ARHGEF16: variants seen among roughly 807,000 people sequenced by gnomAD.
The protein encoded by ARHGEF16 is Rho guanine nucleotide exchange factor 16, also known as Rho guanine exchange factor (GEF) 16.
A neutral mutation model predicts 74.1 loss-of-function variants in ARHGEF16; 59 were observed. The observed-to-expected ratio is 0.80, with a 90% CI of 0.65 to 0.99. The LOEUF (loss-of-function observed/expected upper bound fraction) is 0.99. Ranked by LOEUF, ARHGEF16 falls within the 50% of genes least tolerant of loss-of-function variation. The pLI, the probability that ARHGEF16 is intolerant of heterozygous loss-of-function variation, is 0.00. For synonymous variants in ARHGEF16, 415 were observed against 412.6 expected (o/e 1.01, Z -0.07); for missense variants, 948 against 986.6 (o/e 0.96, Z 0.52).
chr1:3,471,891 T>C (rs1221811723), intron 6 of ARHGEF16: 2 of 952,550 alleles, frequency 2.1e-6, no homozygotes, highest in Non-Finnish European at 2.6e-6. Context: ...CGTACGCATG[T>C]CGTGGCCCTG....
At position 3,467,307 on chromosome 1, in the gene ARHGEF16, C is replaced by T. The variant is rs569622006; in HGVS notation, c.774C>T (p.Pro258=). Reference sequence around the variant, plus strand: ...CCATTGTGGTCAAGAGCTACCGGCCCGCCCAGGTCACCTGGAGCCAGCTCC... The same window carrying T: ...CCATTGTGGTCAAGAGCTACCGGCCTGCCCAGGTCACCTGGAGCCAGCTCC... ...DATIVVKSYR[P]AQVTWSQLPE... Residue 258 remains proline, a synonymous_variant, in exon 4 of 15, where the codon CCC becomes CCT. Transcript: ENST00000378378. 1.9e-5 allele frequency: 30 copies of T among 1,550,002 alleles called. No homozygotes were observed. The highest frequency in any genetic ancestry group is 4.1e-5 in the African/African-American group (3 of 73,148).
chr1:3,465,409 G>A (rs573470821), intron 2 of ARHGEF16, among the ~76,000 whole-genome samples: 227 of 152,226 alleles, frequency 1.5e-3, no homozygotes, highest in African/African-American at 5.2e-3. Flanking sequence ...GAGTCGGGGT[G>A]GGGGAGGCAA....
At position 3,480,476 on chromosome 1, in the gene ARHGEF16, C is replaced by T. The variant is rs770675151; in HGVS notation, c.2019C>T (p.Asp673=). Residue 673 remains aspartate, a synonymous_variant, in exon 15 of 15, where the codon GAC becomes GAT. Coordinates refer to ENST00000378378, the MANE Select transcript of ARHGEF16 (RefSeq NM_014448.4). ...DGWLYGERLR[D]GETGWFPEDF... ...GGCTCTATGGCGAGAGGCTCCGGGACGGAGAGACGGGATGGTTCCCCGAGG... is the reference window on the plus strand; with the variant it reads ...GGCTCTATGGCGAGAGGCTCCGGGATGGAGAGACGGGATGGTTCCCCGAGG... The T allele has an allele frequency of 4.0e-5, 65 of 1,612,490 alleles. No homozygotes were observed. The highest frequency in any genetic ancestry group is 2.3e-4 in the African/African-American group (17 of 74,946).
rs1434159492 is a variant in ARHGEF16, at chr1:3,479,876, G to A, written c.1953G>A (p.Gln651=). The change falls in exon 14 of 15, where the codon CAG becomes CAA. Residue 651 remains glutamine, a synonymous_variant. Transcript: ENST00000378378. ...FAKQADEVTL[Q]QADVVLVLQQ... is the part of the protein sequence containing the mutation. ...AGCAAGCAGACGAGGTCACACTGCA[G>A]CAGGCGGACGTGGTCCTGGTTCTGC... The A allele has an allele frequency of 5.6e-6, 9 of 1,612,362 alleles. No homozygotes were observed. The highest frequency in any genetic ancestry group is 1.1e-5 in the South Asian group (1 of 91,080).
At chr1:3,479,488 G>A in intron 12 of ARHGEF16, 29 bp from the exon 13 acceptor site, 2 of 1,611,120 alleles carry the variant, frequency 1.2e-6, no homozygotes, top group Non-Finnish European at 1.7e-6. Flanking sequence ...CGGTCTCCAG[G>A]CCTGGCTCAT....
Position 3,465,297 on chromosome 1 carries a change from G to A in ARHGEF16, c.589-851G>A, listed in dbSNP as rs536454756. On this transcript the variant is annotated intron_variant, in intron 2 of 14. Coordinates refer to ENST00000378378, the MANE Select transcript of ARHGEF16 (RefSeq NM_014448.4). ...GAGGGCTGGGCTGAGGGCAGCTCGG[G>A]GGTGCTGGGAGCACAGAGGAGGGGG... Among the ~76,000 whole-genome samples, 6 of 152,344 alleles carry A rather than the reference G, an allele frequency of 3.9e-5. No homozygotes were observed. In the East Asian group the frequency reaches 1.2e-3, roughly 29 times the overall value.
chr1:3,466,656 G>A (rs998139092), intron 3 of ARHGEF16, among the ~76,000 whole-genome samples: 3 of 152,204 alleles, frequency 2.0e-5, no homozygotes, highest in Admixed American at 6.5e-5. Context: ...CATCCCACAG[G>A]GAGGTTGACA....
chr1:3,474,802 C>T lies in ARHGEF16; in HGVS notation c.1380+20C>T. The T allele has an allele frequency of 6.2e-7, 1 of 1,610,970 alleles. No individual in the cohort carries two copies. The highest frequency in any genetic ancestry group is 8.5e-7 in the Non-Finnish European group (1 of 1,178,324). ...AGCAAGGTAAGATGGGGCCTGGCCC[C>T]AGCCCTACCCGAGTCCTGTACCCCG... On this transcript the variant is annotated intron_variant, in intron 9 of 14. Coordinates refer to ENST00000378378, the MANE Select transcript of ARHGEF16 (RefSeq NM_014448.4).
chr1:3,474,601 C>A (rs2100755351), intron 8 of ARHGEF16, 107 bp from the exon 9 acceptor site: 1 of 1,043,820 alleles, frequency 9.6e-7, no homozygotes, highest in African/African-American at 1.6e-5. Flanking sequence ...CCCCTGGGGG[C>A]AGCTGTTGAC....
chr1:3,460,112 C>A lies in ARHGEF16; in HGVS notation c.-19-2954C>A, dbSNP rs371087295. On this transcript the variant is annotated intron_variant, in intron 1 of 14. Transcript: ENST00000378378. ...CTGCCAGGGCCACAGCTCCCGAGAG[C>A]CGGCTCCTGGGGGGCTCTGGACTGC... Among the ~76,000 whole-genome samples, 108 of 152,326 alleles carry A rather than the reference C, an allele frequency of 7.1e-4. 2 individuals carry two copies. The South Asian group carries it at 0.022, about 31-fold the overall frequency.
chr1:3,479,739 G>A, intron 13 of ARHGEF16, 73 bp from the exon 14 acceptor site: 1 of 1,573,346 alleles, frequency 6.4e-7, no homozygotes, highest in Non-Finnish European at 8.7e-7. Flanking sequence ...GGATGTGTCT[G>A]CTGGAGGCCG....
In ARHGEF16 at chr1:3,473,464, T is replaced by C. The variant is rs1639795771; in HGVS notation, c.1247T>C (p.Met416Thr). ...ERRPACGGLP[M>T]LSFLILPMQR... ...CGGCCGGCGTGCGGGGGCCTGCCCA[T>C]GCTCTCCTTCCTGATCCTCCCCATG... The change falls in exon 8 of 15, where the codon ATG becomes ACG. Residue 416 changes from methionine (M) to threonine (T), a missense_variant. By Grantham distance (81) the Met-to-Thr change is moderately conservative. Transcript: ENST00000378378. 2 of 1,612,578 alleles carry C rather than the reference T, an allele frequency of 1.2e-6. No individual in the cohort carries two copies. The highest frequency in any genetic ancestry group is 1.1e-5 in the South Asian group (1 of 91,078).
At chr1:3,468,656 G>A (rs534836925) in intron 4 of ARHGEF16, 43 of 574,174 alleles carry the variant, frequency 7.5e-5, no homozygotes, top group Non-Finnish European at 1.3e-4. Context: ...GGGCTCTGGC[G>A]GCTGGGGGGA....
chr1:3,479,682 T>C, intron 13 of ARHGEF16, 92 bp downstream of exon 13: 1 of 1,565,448 alleles, frequency 6.4e-7, no homozygotes, highest in Non-Finnish European at 8.7e-7. Flanking sequence ...GCACCTGGCC[T>C]TGTGCTGGGG....
At chr1:3,478,738 C>T (rs1250525126) in intron 12 of ARHGEF16, 126 bp downstream of exon 12, 7 of 1,115,786 alleles carry the variant, frequency 6.3e-6, no homozygotes, top group African/African-American at 1.6e-5. Context: ...GCACCTGGCC[C>T]TGCTGTAGGT....
At chr1:3,454,974 C>A (rs1213699253) in intron 1 of ARHGEF16, among the ~76,000 whole-genome samples, 163 bp downstream of exon 1, 1 of 152,132 alleles carries the variant, frequency 6.6e-6, no homozygotes, top group East Asian at 1.9e-4. Flanking sequence ...CTTCGCGACC[C>A]TCCTGGGGCT....
intron 8 of ARHGEF16, chr1:3,474,051 A>T (rs1639814943): frequency 5.2e-6 from 1 of 192,194 alleles, no homozygotes; most frequent in Admixed American, 5.3e-5. Context: ...TCAGGCACGT[A>T]TGTGCCCATG....
intron 8 of ARHGEF16, chr1:3,473,979 G>T: frequency 3.9e-6 from 1 of 255,846 alleles, no homozygotes; most frequent in Non-Finnish European, 7.6e-6. Context: ...ACAGGGCAGA[G>T]GGTATATGAG....
At chr1:3,474,422 T>G in intron 8 of ARHGEF16, 1 of 413,048 alleles carries the variant, frequency 2.4e-6, no homozygotes, top group South Asian at 3.3e-5. Flanking sequence ...CCAGGGGGCC[T>G]CCACTGACGA....
Sources: gnomAD v4.1 joint callset for allele counts (sites outside exome capture counted in the v4.1 genomes callset) on GRCh38, gnomAD v4.1.1 for gene constraint, MANE v1.5 for transcripts, NCBI Gene and HGNC (gene_info 2026-07-23, HGNC 2026-07-21) for gene names.